HORMAD1: variants seen among roughly 807,000 people sequenced by gnomAD.
HORMAD1 encodes the protein HORMA domain-containing protein 1.
Under a neutral mutation model 58.2 loss-of-function variants are expected in HORMAD1, and 33 were observed. The observed-to-expected ratio is 0.57, with a 90% CI of 0.43 to 0.76. The LOEUF (loss-of-function observed/expected upper bound fraction) is 0.76. HORMAD1 is among the 30% of genes least tolerant of loss of function. HORMAD1 has a pLI of 0.00. For missense variants in HORMAD1, 363 were observed against 462.0 expected (o/e 0.79, Z 1.96); for synonymous variants, 137 against 144.6 (o/e 0.95, Z 0.38).
rs1651898927 is a variant in HORMAD1, at chr1:150,711,435, GTATATT to G, written c.327+104_327+109del. 5 of 817,588 alleles carry G rather than the reference GTATATT, an allele frequency of 6.1e-6. No homozygotes were observed. In the Admixed American group the frequency reaches 6.3e-5, roughly 10 times the overall value. The allele number at this position is 817,588 out of a possible 1,614,324, so 50.6% of individuals were successfully genotyped here. ...CTCAAATGTGAAAATATATATGAAA[GTATATT>G]GATTAAAGCATAATTAAAAGCATAA... is the stretch of plus-strand genomic sequence containing the variant. On this transcript the variant is annotated intron_variant, in intron 7 of 14. Coordinates refer to ENST00000361824, the MANE Select transcript of HORMAD1 (RefSeq NM_032132.5).
In HORMAD1 at chr1:150,704,297, G is replaced by A. The variant is rs747707430; in HGVS notation, c.851C>T (p.Pro284Leu). Residue 284 changes from proline to leucine, a missense_variant, in exon 11 of 15, where the codon CCT (proline) becomes CTT (leucine). Physicochemically the swap from Pro to Leu is moderately conservative, Grantham distance 98. Around this residue, in one of 3 missense-constraint regions of HORMAD1, gnomAD observed 226 missense variants for 257.8 expected, o/e 0.88. Transcript: ENST00000361824. ...ETKMEEQEKN[P>L]ASSELEEPSL... ...CTTACCTTCAAGTTCAGAAGATGCAGGGTTTTTTTCCTGTTCTTCCATTTT... is the reference window on the plus strand; with the variant it reads ...CTTACCTTCAAGTTCAGAAGATGCAAGGTTTTTTTCCTGTTCTTCCATTTT... 1.3e-6 allele frequency: 2 copies of A among 1,593,496 alleles called. No homozygotes were observed. Among genetic ancestry groups the A allele is most frequent in the South Asian group, 2.3e-5 (2 of 86,828 alleles).
At chr1:150,703,944 A>G (rs1288147653) in intron 12 of HORMAD1, among the ~76,000 whole-genome samples, 174 bp downstream of exon 12, 1 of 152,196 alleles carries the variant, frequency 6.6e-6, no homozygotes. Context: ...CACCAGTAAT[A>G]TACTCAAAAT....
intron 14 of HORMAD1, 123 bp downstream of exon 14, chr1:150,699,989 T>C (rs144655480): frequency 2.0e-6 from 1 of 501,414 alleles, no homozygotes; most frequent in East Asian, 3.3e-5. Flanking sequence ...TAAACAAAAT[T>C]TGAATATCAG....
At chr1:150,712,696 G>A (rs1013705353) in intron 5 of HORMAD1, among the ~76,000 whole-genome samples, 4 of 151,960 alleles carry the variant, frequency 2.6e-5, no homozygotes, top group East Asian at 1.9e-4. Context: ...TTACAGGCGC[G>A]CCAACACGCC....
intron 10 of HORMAD1, among the ~76,000 whole-genome samples, chr1:150,704,678 A>G (rs1034269880): frequency 1.1e-4 from 17 of 152,066 alleles, no homozygotes; most frequent in African/African-American, 4.1e-4. Context: ...TTGAGGCTGC[A>G]GTAGCCGTGA....
At position 150,704,319 on chromosome 1, in the gene HORMAD1, T is replaced by C. The variant is rs937098746; in HGVS notation, c.829A>G (p.Met277Val). ...GCAGGGTTTTTTTCCTGTTCTTCCA[T>C]TTTAGTTTCAATGTCCAAATCATCC... is the stretch of plus-strand genomic sequence containing the variant. ...TSDDLDIETK[M>V]EEQEKNPASS... The change falls in exon 11 of 15, where the codon ATG becomes GTG. Residue 277 changes from methionine to valine, a missense_variant. Met to Val is a conservative substitution (Grantham distance 21). Coordinates refer to ENST00000361824, the MANE Select transcript of HORMAD1 (RefSeq NM_032132.5). The C allele has an allele frequency of 3.2e-6, 5 of 1,584,946 alleles. No homozygotes were observed. The highest frequency in any genetic ancestry group is 3.7e-5 in the Admixed American group (2 of 53,384).
chr1:150,717,953 A>T (rs1334198888), intron 2 of HORMAD1, among the ~76,000 whole-genome samples: 1 of 152,220 alleles, frequency 6.6e-6, no homozygotes, highest in Non-Finnish European at 1.5e-5. Context: ...CTCAAAAAAA[A>T]AGTATATAAT....
At chr1:150,717,942 T>G (rs1652135896) in intron 2 of HORMAD1, among the ~76,000 whole-genome samples, 1 of 151,624 alleles carries the variant, frequency 6.6e-6, no homozygotes. Context: ...CGAGACTCCA[T>G]CTCAAAAAAA....
chr1:150,705,152 G>T (rs1218230188), intron 10 of HORMAD1, among the ~76,000 whole-genome samples: 1 of 152,058 alleles, frequency 6.6e-6, no homozygotes, highest in East Asian at 1.9e-4. Context: ...CTATCAAAAG[G>T]CAATTTATTA....
chr1:150,710,222 T>C (rs1024946807), intron 7 of HORMAD1, among the ~76,000 whole-genome samples: 1 of 151,836 alleles, frequency 6.6e-6, no homozygotes, highest in Non-Finnish European at 1.5e-5. Context: ...CAGTTATTTA[T>C]ACCACATGGA....
At chr1:150,717,466 T>C (rs1473463754) in intron 2 of HORMAD1, among the ~76,000 whole-genome samples, 184 bp from the exon 3 acceptor site, 1 of 152,068 alleles carries the variant, frequency 6.6e-6, no homozygotes, top group Non-Finnish European at 1.5e-5. Context: ...TCTAGGGTAA[T>C]AGCCTAAAGG....
chr1:150,710,180 AC>A (rs1274932074), intron 7 of HORMAD1, among the ~76,000 whole-genome samples: 1 of 152,062 alleles, frequency 6.6e-6, no homozygotes, highest in African/African-American at 2.4e-5. Context: ...GACTAGAAAT[AC>A]CCACAGGTGT....
Position 150,711,544 on chromosome 1 carries a change from C to A in HORMAD1, c.327+1G>T. ...TTCTTTAGTAACTCAAGCACACTTACCTGAGGATCTTCTGGGTTTGTGTAT... is the reference window on the plus strand; with the variant it reads ...TTCTTTAGTAACTCAAGCACACTTAACTGAGGATCTTCTGGGTTTGTGTAT... On this transcript the variant is annotated splice_donor_variant, in intron 7 of 14. Coordinates refer to ENST00000361824, the MANE Select transcript of HORMAD1 (RefSeq NM_032132.5). LOFTEE classifies it high-confidence loss of function. The A allele has an allele frequency of 2.5e-6, 4 of 1,598,096 alleles. No homozygotes were observed. Among genetic ancestry groups the A allele is most frequent in the Non-Finnish European group, 3.4e-6 (4 of 1,166,088 alleles).
At chr1:150,703,490 T>C in intron 12 of HORMAD1, 97 bp from the exon 13 acceptor site, 2 of 654,772 alleles carry the variant, frequency 3.1e-6, no homozygotes, top group South Asian at 2.0e-5. Flanking sequence ...ACATAAAATT[T>C]AGGGTCTTGT....
At chr1:150,708,701 A>G (rs1185349554) in intron 8 of HORMAD1, among the ~76,000 whole-genome samples, 193 bp downstream of exon 8, 1 of 152,226 alleles carries the variant, frequency 6.6e-6, no homozygotes, top group Non-Finnish European at 1.5e-5. Context: ...CCACAATTAA[A>G]ATTGCTTATT....
chr1:150,710,055 G>T (rs1211705593), intron 7 of HORMAD1, among the ~76,000 whole-genome samples: 2 of 152,134 alleles, frequency 1.3e-5, no homozygotes, highest in African/African-American at 2.4e-5. Context: ...GGAACTCAGA[G>T]ACCGGCGCCG....
Position 150,704,258 on chromosome 1 carries a change from A to G in HORMAD1, c.871+19T>C. Reference sequence around the variant, plus strand: ...TTGAGTTGGAAGTGAGTTAATGTACATTTTCATTAACTTCTTACCTTCAAG... The same window carrying G: ...TTGAGTTGGAAGTGAGTTAATGTACGTTTTCATTAACTTCTTACCTTCAAG... On this transcript the variant is annotated intron_variant, in intron 11 of 14. Coordinates refer to ENST00000361824, the MANE Select transcript of HORMAD1 (RefSeq NM_032132.5). 6.3e-7 allele frequency: 1 copy of G among 1,584,394 alleles called. No individual in the cohort carries two copies.
intron 1 of HORMAD1, 84 bp from the exon 2 acceptor site, chr1:150,719,622 ATT>A: frequency 1.7e-6 from 1 of 598,806 alleles, no homozygotes; most frequent in Non-Finnish European, 2.9e-6. Context: ...ATTCAAAACA[ATT>A]TTATGTGAAT....
intron 8 of HORMAD1, 36 bp downstream of exon 8, chr1:150,708,858 A>G (rs1436305522): frequency 4.9e-6 from 5 of 1,028,948 alleles, no homozygotes; most frequent in Non-Finnish European, 7.7e-6. Flanking sequence ...AATAAGTGGT[A>G]ATCTGTAATA....
Sources: gnomAD v4.1 joint callset for allele counts (sites outside exome capture counted in the v4.1 genomes callset) on GRCh38, gnomAD v4.1.1 for gene constraint, gnomAD v4.1.1 regional missense constraint, MANE v1.5 for transcripts, NCBI Gene and HGNC (gene_info 2026-07-23, HGNC 2026-07-21) for gene names.